Variants in COL21A1 observed in about 807,000 individuals in gnomAD.
COL21A1 encodes collagen type XXI alpha 1 chain.
A neutral mutation model predicts 137.9 loss-of-function variants in COL21A1; 149 were observed. The ratio of observed to expected loss-of-function variants is 1.08; its 90% CI spans 0.95 to 1.24. The LOEUF is 1.24. Ranked by LOEUF, COL21A1 falls within the 50% of genes most tolerant of loss-of-function variation. The pLI is 0.00. For synonymous variants in COL21A1, 456 were observed against 391.5 expected (o/e 1.16, Z -1.95); for missense variants, 1,167 against 1,158.4 (o/e 1.01, Z -0.11).
chr6:56,075,940 T>A (rs1767196172), intron 18 of COL21A1, among the ~76,000 whole-genome samples: 1 of 151,540 alleles, frequency 6.6e-6, no homozygotes, highest in African/African-American at 2.4e-5. Flanking sequence ...GGGATGCGGC[T>A]GACTAGGTCC....
In COL21A1 at chr6:56,064,468, T is replaced by G. The variant is rs1766069693; in HGVS notation, c.2172+110A>C. The G allele has an allele frequency of 4.3e-6, 3 of 695,894 alleles. No homozygotes were observed. The South Asian group carries it at 5.3e-5, about 12-fold the overall frequency. 43.1% of individuals were successfully genotyped at this position (695,894 alleles called of 1,614,324 possible). A position where few individuals can be genotyped will look rare whatever the true frequency, so the allele number is the denominator to read the frequency against. On this transcript the variant is annotated intron_variant, in intron 24 of 29. Coordinates refer to ENST00000244728, the MANE Select transcript of COL21A1 (RefSeq NM_030820.4). ...AACCTTATATGCTTAGAATGCATACTATATTGTCCTTCTCCCCACCCATTT... is the reference window on the plus strand; with the variant it reads ...AACCTTATATGCTTAGAATGCATACGATATTGTCCTTCTCCCCACCCATTT...
At chr6:56,122,294 T>C (rs1207202614) in intron 16 of COL21A1, among the ~76,000 whole-genome samples, 8 of 151,178 alleles carry the variant, frequency 5.3e-5, no homozygotes, top group Non-Finnish European at 1.0e-4. Flanking sequence ...GAGAGACCAC[T>C]ACATGGGCAT....
chr6:56,100,974 A>G (rs1770407175), intron 17 of COL21A1, among the ~76,000 whole-genome samples: 1 of 152,184 alleles, frequency 6.6e-6, no homozygotes, highest in Non-Finnish European at 1.5e-5. Flanking sequence ...GTTGGCCACG[A>G]GTTGTAGGAA....
At chr6:56,286,615 C>T (rs1216617740) in intron 1 of COL21A1, among the ~76,000 whole-genome samples, 1 of 152,210 alleles carries the variant, frequency 6.6e-6, no homozygotes, top group African/African-American at 2.4e-5. Context: ...TACAAGTTAA[C>T]TCAAAATGTT....
intron 1 of COL21A1, among the ~76,000 whole-genome samples, chr6:56,287,912 G>A (rs1172261905): frequency 6.6e-6 from 1 of 151,990 alleles, no homozygotes; most frequent in African/African-American, 2.4e-5. Flanking sequence ...TGGAGGGAGA[G>A]GTCACAAGCC....
chr6:56,090,052 C>G lies in COL21A1; in HGVS notation c.1812+11420G>C, dbSNP rs540058246. On this transcript the variant is annotated intron_variant, in intron 17 of 29. Transcript: ENST00000244728. The stretch of plus-strand genomic sequence containing the variant: ...GTCAAGAGATCAAGACCATCCTGGC[C>G]AAAATGGTGAAACCCTGTCTCTACT... Among the ~76,000 whole-genome samples, 12 of 152,182 alleles carry G rather than the reference C, an allele frequency of 7.9e-5. No individual in the cohort carries two copies. The South Asian group carries it at 2.1e-3, about 26-fold the overall frequency.
intron 24 of COL21A1, among the ~76,000 whole-genome samples, 194 bp downstream of exon 24, chr6:56,064,384 G>T (rs972821373): frequency 6.6e-6 from 1 of 151,988 alleles, no homozygotes; most frequent in Non-Finnish European, 1.5e-5. Context: ...GTATGGGAAA[G>T]TGAAAACACA....
At chr6:56,148,611 T>C (rs1450931820) in intron 10 of COL21A1, among the ~76,000 whole-genome samples, 1 of 152,164 alleles carries the variant, frequency 6.6e-6, no homozygotes, top group Non-Finnish European at 1.5e-5. Flanking sequence ...TCTTAAACTG[T>C]TGAGTCCACA....
chr6:56,160,126 T>C (rs1186261066), intron 9 of COL21A1, among the ~76,000 whole-genome samples: 1 of 152,222 alleles, frequency 6.6e-6, no homozygotes, highest in Non-Finnish European at 1.5e-5. Flanking sequence ...GTATTGTTCC[T>C]ATAAAACTGG....
chr6:56,239,898 A>T (rs1782167142), intron 1 of COL21A1, among the ~76,000 whole-genome samples: 1 of 152,138 alleles, frequency 6.6e-6, no homozygotes, highest in African/African-American at 2.4e-5. Context: ...TCCCACCCAA[A>T]TCTCATCTTG....
At chr6:56,255,334 G>GGGGT (rs1554170756) in intron 1 of COL21A1, among the ~76,000 whole-genome samples, 33 of 145,594 alleles carry the variant, frequency 2.3e-4, no homozygotes, top group African/African-American at 6.4e-4. Context: ...TTGTTAAGAG[G>GGGGT]GTGTGTGTGT....
At chr6:56,186,226 G>A (rs1778287088) in intron 1 of COL21A1, among the ~76,000 whole-genome samples, 1 of 151,980 alleles carries the variant, frequency 6.6e-6, no homozygotes, top group Non-Finnish European at 1.5e-5. Flanking sequence ...AATGTACTTT[G>A]GTAAGAGACT....
rs1259722031 is a variant in COL21A1, at chr6:56,141,805, G to A, written c.1522C>T (p.Pro508Ser). The A allele has an allele frequency of 5.0e-6, 8 of 1,613,436 alleles. No individual in the cohort carries two copies. The Admixed American group carries it at 1.3e-4, about 27-fold the overall frequency. ...ARGLPGYKGE[P>S]GRDGDKGDRG... ...TTTACCTTGTCACCATCTCGCCCTG[G>A]TTCTCCTTTGTAACCTGGTAGTCCT... The change falls in exon 12 of 30, where the codon CCA becomes TCA. Residue 508 changes from proline (P) to serine (S), a missense_variant. Transcript: ENST00000244728.
chr6:56,281,002 C>A (rs1315600785), intron 1 of COL21A1, among the ~76,000 whole-genome samples: 4 of 151,674 alleles, frequency 2.6e-5, no homozygotes, highest in Non-Finnish European at 4.4e-5. Context: ...GAGACCCGGT[C>A]TCAAAAAATA....
intron 9 of COL21A1, among the ~76,000 whole-genome samples, chr6:56,162,911 T>C (rs1776295165): frequency 6.6e-6 from 1 of 152,236 alleles, no homozygotes; most frequent in Non-Finnish European, 1.5e-5. Context: ...GAATTAACTC[T>C]TCTAAATGCT....
At chr6:56,213,671 GA>G (rs200324645) in intron 1 of COL21A1, among the ~76,000 whole-genome samples, 4,393 of 150,284 alleles carry the variant, frequency 0.029, 203 homozygotes, top group African/African-American at 0.098. Flanking sequence ...CTCCTTTACG[GA>G]AAAAAAAATA....
intron 1 of COL21A1, among the ~76,000 whole-genome samples, chr6:56,223,327 G>T (rs907716330): frequency 3.3e-5 from 5 of 152,044 alleles, no homozygotes; most frequent in Non-Finnish European, 7.4e-5. Context: ...TGAAGGGAAA[G>T]ACTGTACTTT....
chr6:56,077,646 A>T (rs1767365965), intron 17 of COL21A1, 73 bp from the exon 18 acceptor site: 1 of 874,480 alleles, frequency 1.1e-6, no homozygotes, highest in African/African-American at 1.7e-5. Context: ...AAACAGTCAC[A>T]ATTGGAATTT....
intron 23 of COL21A1, among the ~76,000 whole-genome samples, chr6:56,065,794 A>G (rs1216758480): frequency 6.6e-6 from 1 of 151,986 alleles, no homozygotes; most frequent in African/African-American, 2.4e-5. Flanking sequence ...CACAGGCTTT[A>G]TCTTAACATG....
Sources: gnomAD v4.1 joint callset for allele counts (sites outside exome capture counted in the v4.1 genomes callset) on GRCh38, gnomAD v4.1.1 for gene constraint, MANE v1.5 for transcripts, NCBI Gene and HGNC (gene_info 2026-07-23, HGNC 2026-07-21) for gene names.